The following CEP164 variants were observed in gnomAD, a reference collection of about 807,000 sequenced individuals.
The protein encoded by CEP164 is centrosomal protein of 164 kDa.
A neutral mutation model predicts 182.7 loss-of-function variants in CEP164; 162 were observed. The observed-to-expected ratio is 0.89, with a 90% CI of 0.78 to 1.01. The LOEUF is 1.01. CEP164 is among the 50% of genes least tolerant of loss of function. CEP164 has a pLI of 0.00. For missense variants in CEP164, 1,735 were observed against 1,790.4 expected (o/e 0.97, Z 0.56); for synonymous variants, 661 against 690.0 (o/e 0.96, Z 0.66).
chr11:117,367,771 T>G (rs1273377428), intron 8 of CEP164, among the ~76,000 whole-genome samples: 1 of 152,228 alleles, frequency 6.6e-6, no homozygotes, highest in Non-Finnish European at 1.5e-5. Flanking sequence ...TGAAGCCTAG[T>G]ACCCGTTAGT....
At chr11:117,400,291 G>T (rs985645826) in intron 27 of CEP164, among the ~76,000 whole-genome samples, 2 of 152,124 alleles carry the variant, frequency 1.3e-5, no homozygotes, top group African/African-American at 4.8e-5. Flanking sequence ...AGATCAAATG[G>T]TTGTAGATGT....
At chr11:117,353,945 C>T (rs533263781) in intron 5 of CEP164, among the ~76,000 whole-genome samples, 1 of 151,994 alleles carries the variant, frequency 6.6e-6, no homozygotes, top group Non-Finnish European at 1.5e-5. Flanking sequence ...CTTCTCTTCG[C>T]GCCCTGTTAA....
intron 4 of CEP164, among the ~76,000 whole-genome samples, chr11:117,345,736 G>T (rs2038796984): frequency 1.3e-5 from 2 of 151,814 alleles, no homozygotes; most frequent in African/African-American, 4.8e-5. Context: ...GCCCAGACTG[G>T]AGTGCAATGG....
intron 28 of CEP164, chr11:117,408,663 A>T: frequency 3.5e-6 from 2 of 563,854 alleles, no homozygotes; most frequent in Non-Finnish European, 6.2e-6. Context: ...GTTCCCACAC[A>T]TCACAAGGGC....
At position 117,397,254 on chromosome 11, in the gene CEP164, G is replaced by A. The variant is rs767867022; in HGVS notation, c.3442G>A (p.Val1148Met). ...WRHELASAQE[V>M]AKDPPGIKAL... is the part of the protein sequence containing the mutation. The stretch of plus-strand genomic sequence containing the variant: ...CCATGAGCTGGCCAGTGCGCAGGAG[G>A]TGGCCAAAGACCCACCAGGCATCAA... The change falls in exon 27 of 33, where the codon GTG becomes ATG. Residue 1148 changes from valine to methionine, a missense_variant. Coordinates refer to ENST00000278935, the MANE Select transcript of CEP164 (RefSeq NM_014956.5). 6.2e-7 allele frequency: 1 copy of A among 1,614,148 alleles called. No homozygotes were observed. The highest frequency in any genetic ancestry group is 1.7e-5 in the Admixed American group (1 of 60,026).
Position 117,362,388 on chromosome 11 carries a change from C to G in CEP164, c.553-16C>G. On this transcript the variant is annotated splice_polypyrimidine_tract_variant and intron_variant, in intron 6 of 32. Coordinates refer to ENST00000278935, the MANE Select transcript of CEP164 (RefSeq NM_014956.5). ...CTTCCAAGTGAGTCCTTTGACTGTC[C>G]TTCTCTATTTTGAAGCCTTCACAGG... The G allele has an allele frequency of 6.2e-7, 1 of 1,606,756 alleles. No homozygotes were observed. Among genetic ancestry groups the G allele is most frequent in the Non-Finnish European group, 8.5e-7 (1 of 1,175,180 alleles).
chr11:117,338,817 C>G (rs2037614493), intron 3 of CEP164, 149 bp downstream of exon 3: 2 of 635,398 alleles, frequency 3.1e-6, no homozygotes, highest in East Asian at 5.8e-5. Flanking sequence ...GTGAGCCTAC[C>G]TTGGCCTCTT....
At chr11:117,352,696 C>G (rs1032947582) in intron 5 of CEP164, among the ~76,000 whole-genome samples, 1 of 152,222 alleles carries the variant, frequency 6.6e-6, no homozygotes, top group Admixed American at 6.5e-5. Context: ...AAGCAATTCT[C>G]CTGCCTCAGC....
chr11:117,409,351 G>T lies in CEP164; in HGVS notation c.3749-267G>T. 1.8e-6 allele frequency: 1 copy of T among 570,142 alleles called. No individual in the cohort carries two copies. 35.3% of individuals were successfully genotyped at this position (570,142 alleles called of 1,614,324 possible). A position where few individuals can be genotyped will look rare whatever the true frequency, so the allele number is the denominator to read the frequency against. On this transcript the variant is annotated intron_variant, in intron 29 of 32. Coordinates refer to ENST00000278935, the MANE Select transcript of CEP164 (RefSeq NM_014956.5). This position sits in a 1 kb window ranked among gnomAD's most constrained non-coding sequence, Gnocchi z 4.4. Reference sequence around the variant, plus strand: ...TGCCCTGGCCTGTATGTGACAGAAGGGCCCTCTCCCCTTCCTTCTCTCTGG... The same window carrying T: ...TGCCCTGGCCTGTATGTGACAGAAGTGCCCTCTCCCCTTCCTTCTCTCTGG...
rs998499979 is a variant in CEP164, at chr11:117,412,342, A to G, written c.*174A>G. The G allele has an allele frequency of 3.5e-6, 2 of 569,036 alleles. No individual in the cohort carries two copies. Among genetic ancestry groups the G allele is most frequent in the Non-Finnish European group, 6.2e-6 (2 of 322,572 alleles). 35.2% of individuals were successfully genotyped at this position (569,036 alleles called of 1,614,324 possible). A position where few individuals can be genotyped will look rare whatever the true frequency, so the allele number is the denominator to read the frequency against. On this transcript the variant is annotated 3_prime_UTR_variant, in exon 33 of 33. Transcript: ENST00000278935. ...CAGTAAAGCCACACATTCTGTGACT[A>G]TATAACCTATCTCAGGCTAAAATGT...
chr11:117,374,727 G>T (rs1279507877), intron 10 of CEP164, among the ~76,000 whole-genome samples: 1 of 152,234 alleles, frequency 6.6e-6, no homozygotes, highest in Non-Finnish European at 1.5e-5. Flanking sequence ...TCGGAAGCAA[G>T]GGGGCTGGCT....
At position 117,397,126 on chromosome 11, in the gene CEP164, C is replaced by T. The variant is rs751866377; in HGVS notation, c.3314C>T (p.Ala1105Val). Reference protein sequence around the residue: ...SSHNVWHLLSAEGVALRSAKE... With the variant: ...SSHNVWHLLSVEGVALRSAKE... The stretch of plus-strand genomic sequence containing the variant: ...CACAATGTCTGGCACCTCCTCTCTG[C>T]TGAGGGGGTAGCCCTCCGTAGTGCC... The change falls in exon 27 of 33, where the codon GCT becomes GTT. Residue 1105 changes from alanine to valine, a missense_variant. Coordinates refer to ENST00000278935, the MANE Select transcript of CEP164 (RefSeq NM_014956.5). The T allele has an allele frequency of 1.3e-5, 21 of 1,614,066 alleles. No homozygotes were observed. In the African/African-American group the frequency reaches 2.3e-4, roughly 17 times the overall value.
At chr11:117,353,489 C>T (rs1013066945) in intron 5 of CEP164, among the ~76,000 whole-genome samples, 4 of 152,090 alleles carry the variant, frequency 2.6e-5, no homozygotes, top group Non-Finnish European at 4.4e-5. Context: ...TGTGGCTTGA[C>T]GAAAGGCAGG....
chr11:117,333,282 T>A (rs1194441922), intron 1 of CEP164, among the ~76,000 whole-genome samples: 1 of 151,662 alleles, frequency 6.6e-6, no homozygotes, highest in East Asian at 2.0e-4. Context: ...AAAGCCCTGT[T>A]ATTACAGGTG....
chr11:117,391,125 T>G lies in CEP164; in HGVS notation c.2193T>G (p.Ala731=), dbSNP rs749995001. 1 of 1,613,724 alleles carries G rather than the reference T, an allele frequency of 6.2e-7. No homozygotes were observed. The highest frequency in any genetic ancestry group is 1.1e-5 in the South Asian group (1 of 91,052). ...AGCAGCTCAAGGAAGAGATAGAGGC[T>G]TCGGAGAAGAGCGAGCAGGCTGCCC... ...MLEQLKEEIE[A]SEKSEQAALN... Residue 731 remains alanine (A), a synonymous_variant, in exon 17 of 33, where the codon GCT becomes GCG. Transcript: ENST00000278935.
intron 12 of CEP164, 92 bp downstream of exon 12, chr11:117,380,797 A>G: frequency 8.3e-7 from 1 of 1,204,562 alleles, no homozygotes. Context: ...GGCCTGGCTC[A>G]GTGTACAGTT....
intron 7 of CEP164, 84 bp from the exon 8 acceptor site, chr11:117,363,345 G>A (rs2041226250): frequency 2.1e-6 from 2 of 942,126 alleles, no homozygotes; most frequent in African/African-American, 1.6e-5. Context: ...GCTCAGCAGT[G>A]CCCCACTTTT....
chr11:117,365,372 G>A (rs1443502715), intron 8 of CEP164, among the ~76,000 whole-genome samples: 2 of 152,200 alleles, frequency 1.3e-5, no homozygotes, highest in African/African-American at 4.8e-5. Flanking sequence ...CAGGCAGGTT[G>A]TGTCATATTT....
intron 27 of CEP164, among the ~76,000 whole-genome samples, chr11:117,406,352 A>G (rs937604911): frequency 4.6e-5 from 7 of 152,180 alleles, no homozygotes; most frequent in Admixed American, 3.3e-4. Context: ...TCACAAGAAC[A>G]GTATGGGGGA....
Sources: allele counts gnomAD v4.1 joint callset (sites outside exome capture counted in the v4.1 genomes callset), GRCh38; gene constraint gnomAD v4.1.1; non-coding constraint Gnocchi (gnomAD v3.1); transcripts MANE v1.5; gene names NCBI Gene and HGNC (gene_info 2026-07-23, HGNC 2026-07-21).